Variants in DOCK5 observed in about 807,000 individuals in gnomAD.
DOCK5 encodes dedicator of cytokinesis 5.
A neutral mutation model predicts 251.8 loss-of-function variants in DOCK5; 142 were observed. The ratio of observed to expected loss-of-function variants is 0.56; its 90% CI spans 0.49 to 0.65. The LOEUF is 0.65. DOCK5 is among the 30% of genes least tolerant of loss of function. The pLI, the probability that DOCK5 is intolerant of heterozygous loss-of-function variation, is 0.00. For missense variants in DOCK5, 2,111 were observed against 2,312.3 expected (o/e 0.91, Z 1.79); for synonymous variants, 842 against 835.5 (o/e 1.01, Z -0.13).
chr8:25,278,441 G>C (rs1804104482), intron 4 of DOCK5, 128 bp from the exon 5 acceptor site: 1 of 813,344 alleles, frequency 1.2e-6, no homozygotes, highest in Non-Finnish European at 2.0e-6. Context: ...AAAGTCCCCT[G>C]CACAACTCCT....
chr8:25,192,214 T>TA (rs58373565), intron 1 of DOCK5, among the ~76,000 whole-genome samples: 140,433 of 151,966 alleles, frequency 0.92, 65,103 homozygotes, highest in Non-Finnish European at 0.96. Flanking sequence ...CTATTGTGAA[T>TA]GTGCCACAAT....
In DOCK5 at chr8:25,302,474, A is replaced by C; in HGVS notation, c.976+20A>C. The C allele has an allele frequency of 6.5e-7, 1 of 1,532,672 alleles. No individual in the cohort carries two copies. 94.9% of individuals were successfully genotyped at this position (1,532,672 alleles called of 1,614,324 possible). On this transcript the variant is annotated intron_variant, in intron 10 of 51. Transcript: ENST00000276440. ...TGGCAGGTACAAGAGAGACCCAGAG[A>C]CAAATGTGAAATAGTGCAGTGCTGT...
chr8:25,341,895 T>C, intron 24 of DOCK5, 86 bp downstream of exon 24: 2 of 1,098,414 alleles, frequency 1.8e-6, no homozygotes, highest in Non-Finnish European at 1.3e-6. Context: ...TACACCTGGC[T>C]TTTATTTTTC....
intron 5 of DOCK5, among the ~76,000 whole-genome samples, chr8:25,284,047 A>G (rs1162322634): frequency 6.6e-6 from 1 of 152,186 alleles, no homozygotes; most frequent in Non-Finnish European, 1.5e-5. Context: ...ATGTACTATT[A>G]TATTCAGAAA....
At chr8:25,351,045 CTTTTAT>C (rs1189282699) in intron 26 of DOCK5, among the ~76,000 whole-genome samples, 5 of 152,082 alleles carry the variant, frequency 3.3e-5, no homozygotes, top group Admixed American at 1.3e-4. Flanking sequence ...CTGAGCAATT[CTTTTAT>C]TTTTATTTTT....
intron 1 of DOCK5, among the ~76,000 whole-genome samples, chr8:25,193,523 G>A (rs1028825453): frequency 6.6e-6 from 1 of 152,056 alleles, no homozygotes; most frequent in South Asian, 2.1e-4. Flanking sequence ...CACTTTGGGA[G>A]ACTGAAACGA....
intron 12 of DOCK5, 23 bp from the exon 13 acceptor site, chr8:25,310,384 G>A (rs376514156): frequency 8.2e-6 from 13 of 1,592,716 alleles, no homozygotes; most frequent in African/African-American, 2.7e-5. Context: ...AGAACTAAAC[G>A]TTTATCTTTT....
chr8:25,277,289 G>C (rs552119581), intron 4 of DOCK5: 1 of 153,246 alleles, frequency 6.5e-6, no homozygotes, highest in South Asian at 1.8e-4. Flanking sequence ...TCTTGTTACA[G>C]GACAGTTATC....
At chr8:25,408,200 C>A in intron 49 of DOCK5, 46 bp downstream of exon 49, 1 of 1,529,454 alleles carries the variant, frequency 6.5e-7, no homozygotes, top group Non-Finnish European at 8.8e-7. Flanking sequence ...GGCTTGCCCC[C>A]CTCTCCCCTG....
intron 27 of DOCK5, among the ~76,000 whole-genome samples, chr8:25,356,906 ATTATATATAT>A (rs1244085221): frequency 2.7e-4 from 28 of 102,124 alleles, no homozygotes; most frequent in African/African-American, 1.0e-3. Context: ...CTATATGAAG[ATTATATATAT>A]ATATATATAT....
At chr8:25,387,634 C>T (rs1801187609) in intron 40 of DOCK5, among the ~76,000 whole-genome samples, 2 of 152,162 alleles carry the variant, frequency 1.3e-5, no homozygotes, top group Admixed American at 1.3e-4. Flanking sequence ...GTGAACATTC[C>T]AAGTCTTTGA....
intron 26 of DOCK5, among the ~76,000 whole-genome samples, chr8:25,347,896 C>A (rs1329705003): frequency 6.6e-6 from 1 of 152,108 alleles, no homozygotes; most frequent in Non-Finnish European, 1.5e-5. Context: ...TTCTCACCAC[C>A]CAGAAAGACT....
intron 37 of DOCK5, 110 bp downstream of exon 37, chr8:25,374,764 C>A: frequency 1.3e-6 from 2 of 1,598,800 alleles, no homozygotes; most frequent in Non-Finnish European, 8.5e-7. Flanking sequence ...CCAGGAATAT[C>A]CTTTTATACA....
intron 31 of DOCK5, among the ~76,000 whole-genome samples, chr8:25,367,828 C>G (rs1361050932): frequency 6.6e-6 from 1 of 152,150 alleles, no homozygotes; most frequent in Non-Finnish European, 1.5e-5. Context: ...TATTTAGTCA[C>G]CTGTTAGGCA....
intron 12 of DOCK5, among the ~76,000 whole-genome samples, chr8:25,309,505 A>T (rs987506028): frequency 2.0e-5 from 3 of 152,162 alleles, no homozygotes; most frequent in South Asian, 2.1e-4. Flanking sequence ...CCTACCCTTC[A>T]TTCCCAATGT....
At chr8:25,402,020 A>G (rs1446289249) in intron 47 of DOCK5, among the ~76,000 whole-genome samples, 1 of 152,206 alleles carries the variant, frequency 6.6e-6, no homozygotes, top group Non-Finnish European at 1.5e-5. Context: ...TGTATGTACT[A>G]ACCTTTTCTC....
At chr8:25,257,334 C>G (rs556583181) in intron 2 of DOCK5, among the ~76,000 whole-genome samples, 97 of 152,214 alleles carry the variant, frequency 6.4e-4, no homozygotes, top group African/African-American at 2.2e-3. Flanking sequence ...TATTGATGCT[C>G]TTTTAATCAA....
Position 25,281,065 on chromosome 8 carries a change from T to C in DOCK5, c.321+2400T>C, listed in dbSNP as rs28375258. ...TAAAACACAACTGGTGTGCCCAGTT[T>C]ATTACCTATGTCTTCTACACATCCA... On this transcript the variant is annotated intron_variant, in intron 5 of 51. Coordinates refer to ENST00000276440, the MANE Select transcript of DOCK5 (RefSeq NM_024940.8). Among the ~76,000 whole-genome samples the C allele has an allele frequency of 1.9e-3, 282 of 152,138 alleles. 1 individual carries two copies. Among genetic ancestry groups the C allele is most frequent in the Middle Eastern group, 6.8e-3 (2 of 294 alleles).
intron 38 of DOCK5, among the ~76,000 whole-genome samples, chr8:25,379,715 A>T (rs1801029559): frequency 6.6e-6 from 1 of 152,184 alleles, no homozygotes. Context: ...ATAAATGTCC[A>T]TGAAATCTTC....
Sources: gnomAD v4.1 joint callset for allele counts (sites outside exome capture counted in the v4.1 genomes callset) on GRCh38, gnomAD v4.1.1 for gene constraint, MANE v1.5 for transcripts, NCBI Gene and HGNC (gene_info 2026-07-23, HGNC 2026-07-21) for gene names.